The following CSMD3 variants were observed in gnomAD, a reference collection of about 807,000 sequenced individuals.
CSMD3 encodes the protein CUB and Sushi multiple domains 3.
In CSMD3, 177 loss-of-function variants were observed where a neutral mutation model predicts 435.2. The observed-to-expected ratio is 0.41, with a 90% CI of 0.36 to 0.46. The LOEUF (loss-of-function observed/expected upper bound fraction) is 0.46. CSMD3 is among the 20% of genes least tolerant of loss of function. The probability of loss-of-function intolerance (pLI) is 0.34; values close to 1 mark genes in which losing one functional copy is unlikely to be tolerated. For missense variants in CSMD3, 4,265 were observed against 4,504.6 expected, an observed-to-expected ratio of 0.95 and a Z score of 1.52; for synonymous variants, 1,656 against 1,520.5, an observed-to-expected ratio of 1.09 and a Z score of -2.07.
chr8:113,341,029 G>T (rs2094115225), intron 1 of CSMD3, among the ~76,000 whole-genome samples: 1 of 151,998 alleles, frequency 6.6e-6, no homozygotes, highest in Non-Finnish European at 1.5e-5. Flanking sequence ...AATTTTGGAG[G>T]TGATTTCTGT....
chr8:113,370,622 T>A (rs1030602535), intron 1 of CSMD3, among the ~76,000 whole-genome samples: 3 of 151,974 alleles, frequency 2.0e-5, no homozygotes, highest in Non-Finnish European at 2.9e-5. Context: ...GTTCATTATA[T>A]GCATTCATTT....
chr8:113,418,386 A>C (rs9297493), intron 1 of CSMD3, among the ~76,000 whole-genome samples: 116,185 of 151,992 alleles, frequency 0.76, 44,789 homozygotes, highest in East Asian at 0.94. Context: ...AATGTAAGGA[A>C]TCTTCTAATA....
At chr8:113,432,966 G>C (rs1272885345) in intron 1 of CSMD3, among the ~76,000 whole-genome samples, 6 of 152,178 alleles carry the variant, frequency 3.9e-5, no homozygotes, top group Admixed American at 3.9e-4. Context: ...CAACAGCCAA[G>C]TCAGCCACCC....
intron 4 of CSMD3, among the ~76,000 whole-genome samples, chr8:113,140,505 T>G (rs1400387259): frequency 1.3e-5 from 2 of 150,912 alleles, no homozygotes; most frequent in Admixed American, 1.3e-4. Flanking sequence ...GATCATATTC[T>G]AGGCAATACA....
At chr8:113,391,606 A>G (rs545557291) in intron 1 of CSMD3, among the ~76,000 whole-genome samples, 4 of 152,206 alleles carry the variant, frequency 2.6e-5, no homozygotes, top group Admixed American at 2.6e-4. Context: ...TAATAAAAAC[A>G]TAAAATACTG....
chr8:112,274,490 A>C (rs1469029759), intron 59 of CSMD3, among the ~76,000 whole-genome samples: 1 of 152,118 alleles, frequency 6.6e-6, no homozygotes, highest in Non-Finnish European at 1.5e-5. Context: ...ATTGACAGAG[A>C]AATGTCTCTA....
At chr8:112,810,205 A>G (rs2079186444) in intron 12 of CSMD3, among the ~76,000 whole-genome samples, 1 of 152,156 alleles carries the variant, frequency 6.6e-6, no homozygotes, top group African/African-American at 2.4e-5. Context: ...TCAACAGTCC[A>G]ATTATTGGCA....
chr8:112,602,295 A>C (rs1024975887), intron 22 of CSMD3, among the ~76,000 whole-genome samples: 2 of 152,066 alleles, frequency 1.3e-5, no homozygotes, highest in African/African-American at 4.8e-5. Context: ...ATGCATTTGA[A>C]AATTTGTCGC....
intron 32 of CSMD3, among the ~76,000 whole-genome samples, chr8:112,459,950 G>A (rs1475243712): frequency 6.6e-6 from 1 of 152,028 alleles, no homozygotes; most frequent in African/African-American, 2.4e-5. Flanking sequence ...CATTCATTAA[G>A]ACTTAGGTCA....
intron 13 of CSMD3, among the ~76,000 whole-genome samples, chr8:112,727,890 C>T (rs1237336358): frequency 6.6e-6 from 1 of 151,648 alleles, no homozygotes; most frequent in East Asian, 1.9e-4. Flanking sequence ...AAAAACATAG[C>T]GTAATTTTGA....
At chr8:112,793,413 T>C (rs2078744292) in intron 13 of CSMD3, among the ~76,000 whole-genome samples, 1 of 151,826 alleles carries the variant, frequency 6.6e-6, no homozygotes, top group African/African-American at 2.4e-5. Flanking sequence ...CCATCTGCAC[T>C]GTATTTCCAT....
chr8:113,341,966 T>C (rs905593644), intron 1 of CSMD3, among the ~76,000 whole-genome samples: 2 of 152,094 alleles, frequency 1.3e-5, no homozygotes, highest in Non-Finnish European at 2.9e-5. Flanking sequence ...CCTCTTTGTA[T>C]TGATTTGTCC....
At chr8:112,834,065 T>C (rs937602198) in intron 11 of CSMD3, among the ~76,000 whole-genome samples, 1 of 151,984 alleles carries the variant, frequency 6.6e-6, no homozygotes, top group African/African-American at 2.4e-5. Flanking sequence ...CTAAAGACTT[T>C]GGACACCCAT....
At chr8:113,336,642 T>C (rs545653640) in intron 1 of CSMD3, among the ~76,000 whole-genome samples, 5 of 152,222 alleles carry the variant, frequency 3.3e-5, no homozygotes, top group African/African-American at 1.2e-4. Context: ...GAAGTCCATG[T>C]TTCCTAATTG....
intron 16 of CSMD3, among the ~76,000 whole-genome samples, chr8:112,675,023 A>G (rs1226772958): frequency 2.6e-5 from 4 of 152,122 alleles, no homozygotes; most frequent in Non-Finnish European, 5.9e-5. Context: ...GTTATGATTG[A>G]GATAAAAGAA....
rs113076443 is a variant in CSMD3, at chr8:113,262,410, T to C, written c.514+16182A>G. Among the ~76,000 whole-genome samples, 166 of 152,188 alleles carry C rather than the reference T, an allele frequency of 1.1e-3. 5 individuals are homozygous for C. Among genetic ancestry groups the C allele is most frequent in the Non-Finnish European group, 7.4e-4 (50 of 67,956 alleles). On this transcript the variant is annotated intron_variant, in intron 3 of 70. Coordinates refer to ENST00000297405, the MANE Select transcript of CSMD3 (RefSeq NM_198123.2). ...TCTAAATAAGTCACTCAACATAATA[T>C]AGTAGGCATAATTCCACTATTGGCT...
chr8:112,393,318 T>C (rs1017072439), intron 35 of CSMD3, among the ~76,000 whole-genome samples: 2 of 152,192 alleles, frequency 1.3e-5, no homozygotes, highest in Admixed American at 1.3e-4. Flanking sequence ...TGCTTTCTTA[T>C]TGCTGTCACT....
intron 4 of CSMD3, among the ~76,000 whole-genome samples, chr8:113,118,097 C>G (rs1176817018): frequency 6.6e-6 from 1 of 152,136 alleles, no homozygotes; most frequent in South Asian, 2.1e-4. Flanking sequence ...ATCAGTAATG[C>G]TTTTCTTGAC....
intron 13 of CSMD3, among the ~76,000 whole-genome samples, chr8:112,756,679 G>A (rs942250995): frequency 7.2e-5 from 11 of 152,030 alleles, no homozygotes; most frequent in South Asian, 6.2e-4. Flanking sequence ...CATGTACTAC[G>A]TTAGAATGAA....
Sources: allele counts gnomAD v4.1 joint callset (sites outside exome capture counted in the v4.1 genomes callset), GRCh38; gene constraint gnomAD v4.1.1; transcripts MANE v1.5; gene names NCBI Gene and HGNC (gene_info 2026-07-23, HGNC 2026-07-21).